The following FAF2 variants were observed in gnomAD, a reference collection of about 807,000 sequenced individuals.
FAF2 encodes the protein FAS-associated factor 2.
FAF2 carries 9 observed loss-of-function variants against 62.3 expected under a neutral mutation model. That is an observed-to-expected ratio of 0.14 (90% CI 0.09 to 0.25). FAF2 has a LOEUF of 0.25. Among genes scored for constraint, FAF2 ranks in the 10% least tolerant of loss-of-function variants. FAF2 has a pLI of 1.00. For missense variants in FAF2, 368 were observed against 556.2 expected, an observed-to-expected ratio of 0.66 and a Z score of 3.40; for synonymous variants, 202 against 198.0, an observed-to-expected ratio of 1.02 and a Z score of -0.17.
intron 5 of FAF2, among the ~76,000 whole-genome samples, 196 bp from the exon 6 acceptor site, chr5:176,493,803 G>A (rs1042315731): frequency 2.0e-4 from 31 of 152,176 alleles, no homozygotes; most frequent in African/African-American, 7.2e-5. Flanking sequence ...GCTTGTTAGC[G>A]TGGAGTTTCT....
At position 176,459,617 on chromosome 5, in the gene FAF2, A is replaced by T. The variant is rs1255381373; in HGVS notation, c.63+11147A>T. ...AGGAGGTCTGTATTAGGAACTTGGC[A>T]ATTTGAGATCTCTGACAGTTACTTA... On this transcript the variant is annotated intron_variant, in intron 1 of 10. Transcript: ENST00000261942. Among the ~76,000 whole-genome samples the T allele has an allele frequency of 2.6e-5, 4 of 152,080 alleles. No individual in the cohort carries two copies. The South Asian group carries it at 8.3e-4, about 31-fold the overall frequency.
At chr5:176,457,580 T>C (rs1758298153) in intron 1 of FAF2, among the ~76,000 whole-genome samples, 1 of 152,212 alleles carries the variant, frequency 6.6e-6, no homozygotes, top group Admixed American at 6.5e-5. Flanking sequence ...TCCAACATTG[T>C]ATTTTTGCTT....
chr5:176,499,152 AGT>A (rs1196009807), intron 9 of FAF2, 67 bp downstream of exon 9: 11 of 1,433,274 alleles, frequency 7.7e-6, no homozygotes, highest in Non-Finnish European at 9.3e-6. Flanking sequence ...CTTGGTCTTA[AGT>A]GTGAAAGGAA....
chr5:176,471,093 T>TA (rs1358170488), intron 1 of FAF2, among the ~76,000 whole-genome samples: 1 of 152,230 alleles, frequency 6.6e-6, no homozygotes, highest in Non-Finnish European at 1.5e-5. Context: ...ATGTTTAATC[T>TA]ATCACCTGAT....
chr5:176,464,890 C>T (rs1758436959), intron 1 of FAF2, among the ~76,000 whole-genome samples: 2 of 151,892 alleles, frequency 1.3e-5, no homozygotes, highest in Admixed American at 1.3e-4. Flanking sequence ...ATTTGATAGG[C>T]ACTTTCTTTT....
At chr5:176,504,459 C>T (rs184131162) in intron 10 of FAF2, among the ~76,000 whole-genome samples, 141 of 152,172 alleles carry the variant, frequency 9.3e-4, no homozygotes, top group African/African-American at 3.2e-3. Flanking sequence ...TGGTGCGCGC[C>T]TGTAGTCACT....
rs1285837141 is a variant in FAF2 at position 176,508,772 on chromosome 5, T to C, written c.*1822T>C. ...GGCGTGAACAGCAGGATAACCCATG[T>C]TCTCCACATAAGGATAACCTTACGT... is the stretch of plus-strand genomic sequence containing the variant. On this transcript the variant is annotated 3_prime_UTR_variant, in exon 11 of 11. Coordinates refer to ENST00000261942, the MANE Select transcript of FAF2 (RefSeq NM_014613.3). 1 of 152,204 alleles carries C rather than the reference T, an allele frequency of 6.6e-6. No homozygotes were observed. Among genetic ancestry groups the C allele is most frequent in the Non-Finnish European group, 1.5e-5 (1 of 68,044 alleles). 9.4% of individuals were successfully genotyped at this position (152,204 alleles called of 1,614,324 possible).
chr5:176,457,007 C>T lies in FAF2; in HGVS notation c.63+8537C>T, dbSNP rs941153262. 5.3e-5 allele frequency among the ~76,000 whole-genome samples: 8 copies of T among 152,030 alleles called. No homozygotes were observed. In the East Asian group the frequency reaches 5.8e-4, roughly 11 times the overall value. ...CTTATTATCAAGTTGGTTCAAAATGCGTTATTTTTTCAGAGTGGGCTGGGC... is the reference window on the plus strand; with the variant it reads ...CTTATTATCAAGTTGGTTCAAAATGTGTTATTTTTTCAGAGTGGGCTGGGC... On this transcript the variant is annotated intron_variant, in intron 1 of 10. Transcript: ENST00000261942.
At position 176,494,073 on chromosome 5, in the gene FAF2, T is replaced by TCA; in HGVS notation, c.558_559insCA (p.Glu187GlnfsTer16). On this transcript the variant is annotated frameshift_variant, in exon 6 of 11. Transcript: ENST00000261942. LOFTEE classifies it high-confidence loss of function. The surrounding 1 kb of genome is among the most constrained non-coding windows in gnomAD (Gnocchi z 4.0). ...ATGGAGATGATCACCAGGACTCTGA[T>TCA]GAGTTTTGTCGGTAAGTGGATTGAT... The TCA allele has an allele frequency of 6.2e-7, 1 of 1,612,420 alleles. No homozygotes were observed. Among genetic ancestry groups the TCA allele is most frequent in the Non-Finnish European group, 8.5e-7 (1 of 1,178,404 alleles).
chr5:176,506,985 C>T lies in FAF2; in HGVS notation c.*35C>T. 4 of 1,356,402 alleles carry T rather than the reference C, an allele frequency of 2.9e-6. No individual in the cohort carries two copies. Among genetic ancestry groups the T allele is most frequent in the African/African-American group, 1.5e-5 (1 of 66,488 alleles). 84.0% of individuals were successfully genotyped at this position (1,356,402 alleles called of 1,614,324 possible). On this transcript the variant is annotated 3_prime_UTR_variant, in exon 11 of 11. Coordinates refer to ENST00000261942, the MANE Select transcript of FAF2 (RefSeq NM_014613.3). ...CTTCCTGTCCCCTCCTACCCCAGTC[C>T]CTAAAAGAAATGGGGAAAAAAGAAA...
chr5:176,486,476 G>C lies in FAF2; in HGVS notation c.254G>C (p.Arg85Thr). ...AGGATCTACAGCTATGTTGTCTCAA[G>C]ACCTCAACCAAGGGCAAGTTATTTC... ...DHRIYSYVVS[R>T]PQPRGLLGWG... The change falls in exon 3 of 11, where the codon AGA becomes ACA. Residue 85 changes from arginine to threonine, a missense_variant. Physicochemically the swap from Arg to Thr is moderately conservative, Grantham distance 71. Transcript: ENST00000261942. The C allele has an allele frequency of 6.2e-7, 1 of 1,614,048 alleles. No homozygotes were observed. The highest frequency in any genetic ancestry group is 8.5e-7 in the Non-Finnish European group (1 of 1,180,006).
Position 176,461,651 on chromosome 5 carries a change from G to GTTA in FAF2, c.63+13196_63+13198dup, listed in dbSNP as rs201317091. On this transcript the variant is annotated intron_variant, in intron 1 of 10. Transcript: ENST00000261942. ...CTTTTGCCAGTTTTTTTTTAATGGG[G>GTTA]TTATTATTATTATTATTTGCTTGTT... is the stretch of plus-strand genomic sequence containing the variant. Among the ~76,000 whole-genome samples, 1,477 of 151,284 alleles carry GTTA rather than the reference G, an allele frequency of 9.8e-3. 28 individuals are homozygous for GTTA. Among genetic ancestry groups the GTTA allele is most frequent in the African/African-American group, 0.034 (1,382 of 41,204 alleles).
At chr5:176,480,602 G>A (rs1472983064) in intron 2 of FAF2, among the ~76,000 whole-genome samples, 4 of 151,752 alleles carry the variant, frequency 2.6e-5, no homozygotes, top group African/African-American at 7.3e-5. Flanking sequence ...TTGTGGAGAC[G>A]AGGTCTTGCT....
At chr5:176,466,710 C>G (rs951928756) in intron 1 of FAF2, among the ~76,000 whole-genome samples, 1 of 151,604 alleles carries the variant, frequency 6.6e-6, no homozygotes, top group African/African-American at 2.4e-5. Context: ...TGTCTTCTGA[C>G]TTGGGAGAGG....
At chr5:176,461,116 G>A (rs890722588) in intron 1 of FAF2, among the ~76,000 whole-genome samples, 2 of 151,166 alleles carry the variant, frequency 1.3e-5, no homozygotes, top group African/African-American at 2.4e-5. Context: ...AGGTTCAAGC[G>A]ATGTCTCTTG....
intron 1 of FAF2, among the ~76,000 whole-genome samples, chr5:176,475,155 G>A (rs1187254715): frequency 2.0e-5 from 3 of 149,320 alleles, no homozygotes; most frequent in Non-Finnish European, 4.5e-5. Context: ...TATTATTATT[G>A]AGATGAGGTC....
At chr5:176,465,877 T>C (rs2113723104) in intron 1 of FAF2, among the ~76,000 whole-genome samples, 1 of 152,206 alleles carries the variant, frequency 6.6e-6, no homozygotes, top group Non-Finnish European at 1.5e-5. Context: ...AGAAAACGAT[T>C]TCAAGTAATA....
intron 2 of FAF2, among the ~76,000 whole-genome samples, chr5:176,482,819 A>G (rs1002130724): frequency 5.3e-5 from 8 of 151,888 alleles, no homozygotes; most frequent in African/African-American, 1.2e-4. Flanking sequence ...CCTGGTGCTT[A>G]TCTGATATTT....
chr5:176,486,341 G>A lies in FAF2; in HGVS notation c.133-14G>A, dbSNP rs146087965. On this transcript the variant is annotated splice_polypyrimidine_tract_variant and intron_variant, in intron 2 of 10. Transcript: ENST00000261942. ...GCATCGCTGAAACTCTTGCCACTCCGTTTTCCTTCTCAGGCTGCTGTACAG... is the reference window on the plus strand; with the variant it reads ...GCATCGCTGAAACTCTTGCCACTCCATTTTCCTTCTCAGGCTGCTGTACAG... 0.03 allele frequency: 48,801 copies of A among 1,610,226 alleles called. 836 individuals carry two copies. Among genetic ancestry groups the A allele is most frequent in the Non-Finnish European group, 0.035 (41,486 of 1,178,952 alleles).
Sources: allele counts gnomAD v4.1 joint callset (sites outside exome capture counted in the v4.1 genomes callset), GRCh38; gene constraint gnomAD v4.1.1; non-coding constraint Gnocchi (gnomAD v3.1); transcripts MANE v1.5; gene names NCBI Gene and HGNC (gene_info 2026-07-23, HGNC 2026-07-21).